The following TMEM178B variants were observed in gnomAD, a reference collection of about 807,000 sequenced individuals.
The protein encoded by TMEM178B is transmembrane protein 178B.
In TMEM178B, 5 loss-of-function variants were observed where a neutral mutation model predicts 31.0. That is an observed-to-expected ratio of 0.16 (90% CI 0.08 to 0.34). The LOEUF is 0.34. TMEM178B is among the 10% of genes least tolerant of loss of function. The pLI, the probability that TMEM178B is intolerant of heterozygous loss-of-function variation, is 1.00. For synonymous variants in TMEM178B, 164 were observed against 164.0 expected (o/e 1.00, Z 0.00); for missense variants, 275 against 400.3 (o/e 0.69, Z 2.67).
chr7:141,078,595 A>G (rs967115213), intron 1 of TMEM178B, among the ~76,000 whole-genome samples: 1 of 152,244 alleles, frequency 6.6e-6, no homozygotes, highest in Non-Finnish European at 1.5e-5. Flanking sequence ...GGTTACAACT[A>G]CAGGATGATG....
chr7:141,494,616 T>C, the TMEM178B span, among the ~76,000 whole-genome samples: 1 of 152,216 alleles, frequency 6.6e-6, no homozygotes, highest in Non-Finnish European at 1.5e-5. Flanking sequence ...TTAAAAATTA[T>C]TGTTCAGCCC....
chr7:141,510,642 A>G, the TMEM178B span, among the ~76,000 whole-genome samples: 1 of 131,310 alleles, frequency 7.6e-6, no homozygotes, highest in Non-Finnish European at 1.6e-5. Context: ...CCAAGAACGC[A>G]CTGTTGCACT....
chr7:141,466,899 G>C (rs1802155965), intron 3 of TMEM178B, among the ~76,000 whole-genome samples: 1 of 152,170 alleles, frequency 6.6e-6, no homozygotes, highest in Non-Finnish European at 1.5e-5. Context: ...TGAGGCACGA[G>C]CAGGCTGGCT....
Position 141,268,039 on chromosome 7 carries a change from T to C in TMEM178B, c.496+55335T>C, listed in dbSNP as rs563443991. On this transcript the variant is annotated intron_variant, in intron 2 of 3. Transcript: ENST00000565468. ...GCTTATATAGACTTACAGAATTACA[T>C]TGAGCCCATGCAAGCATTCTACAAA... Among the ~76,000 whole-genome samples, 4 of 152,354 alleles carry C rather than the reference T, an allele frequency of 2.6e-5. No individual in the cohort carries two copies. The South Asian group carries it at 6.2e-4, about 24-fold the overall frequency.
chr7:141,470,476 C>T (rs540105343), intron 3 of TMEM178B, 60 bp from the exon 4 acceptor site: 27 of 1,400,706 alleles, frequency 1.9e-5, no homozygotes, highest in African/African-American at 1.0e-4. Context: ...TTCTCTCTCC[C>T]GCTCCTCTCC....
chr7:141,449,467 CT>C (rs1801822599), intron 3 of TMEM178B, among the ~76,000 whole-genome samples: 1 of 152,130 alleles, frequency 6.6e-6, no homozygotes, highest in African/African-American at 2.4e-5. Flanking sequence ...CCTCTTGAGG[CT>C]TTTTGTCACA....
chr7:141,159,653 A>G (rs976492419), intron 1 of TMEM178B, among the ~76,000 whole-genome samples: 13 of 152,224 alleles, frequency 8.5e-5, no homozygotes, highest in African/African-American at 3.1e-4. Context: ...ACGCTACAAC[A>G]CGGATGAACC....
the TMEM178B span, among the ~76,000 whole-genome samples, chr7:141,494,845 A>T: frequency 6.6e-6 from 1 of 152,228 alleles, no homozygotes; most frequent in Non-Finnish European, 1.5e-5. Context: ...GCGCTGAGAT[A>T]GTTATGGGTT....
At chr7:141,423,017 A>G (rs1563178607) in intron 2 of TMEM178B, among the ~76,000 whole-genome samples, 1 of 152,168 alleles carries the variant, frequency 6.6e-6, no homozygotes, top group Non-Finnish European at 1.5e-5. Flanking sequence ...ACACAAAAAG[A>G]AACAGGTAAA....
chr7:141,110,725 C>G (rs1795219740), intron 1 of TMEM178B, among the ~76,000 whole-genome samples: 1 of 152,158 alleles, frequency 6.6e-6, no homozygotes. Flanking sequence ...ATGTATGTGT[C>G]CCCCTAAAAT....
intron 2 of TMEM178B, among the ~76,000 whole-genome samples, chr7:141,412,956 G>A (rs1251630530): frequency 6.6e-6 from 1 of 152,220 alleles, no homozygotes; most frequent in Non-Finnish European, 1.5e-5. Context: ...CAGCATCACT[G>A]TAATTGGTGA....
intron 1 of TMEM178B, among the ~76,000 whole-genome samples, chr7:141,160,230 C>T (rs1413775627): frequency 2.0e-5 from 3 of 152,006 alleles, no homozygotes; most frequent in East Asian, 1.9e-4. Context: ...CCTGAGTCCT[C>T]AAAGGCCACT....
At chr7:141,245,388 T>G (rs1797712841) in intron 2 of TMEM178B, among the ~76,000 whole-genome samples, 1 of 151,794 alleles carries the variant, frequency 6.6e-6, no homozygotes, top group African/African-American at 2.4e-5. Flanking sequence ...AGGACATTTG[T>G]GGATGGAGGT....
Position 141,083,503 on chromosome 7 carries a change from GAGACAGAC to G in TMEM178B, c.382+8831_382+8838del, listed in dbSNP as rs56305234. On this transcript the variant is annotated intron_variant, in intron 1 of 3. Coordinates refer to ENST00000565468, the MANE Select transcript of TMEM178B (RefSeq NM_001195278.2). ...AGAGGAAGGGAGGGAGAGAGAGAGA[GAGACAGAC>G]AGACAGACAGACAGACAGATGTGAG... Among the ~76,000 whole-genome samples the G allele has an allele frequency of 2.6e-3, 381 of 148,506 alleles. 3 individuals are homozygous for G. The highest frequency in any genetic ancestry group is 9.2e-3 in the African/African-American group (370 of 40,416).
At chr7:141,218,795 A>G (rs933816910) in intron 2 of TMEM178B, among the ~76,000 whole-genome samples, 4 of 152,086 alleles carry the variant, frequency 2.6e-5, no homozygotes, top group Non-Finnish European at 4.4e-5. Context: ...CACTGGCATC[A>G]ACCTTCTCAC....
At chr7:141,423,260 T>C (rs1801247524) in intron 2 of TMEM178B, among the ~76,000 whole-genome samples, 1 of 152,172 alleles carries the variant, frequency 6.6e-6, no homozygotes, top group Non-Finnish European at 1.5e-5. Context: ...ACTCCTGACC[T>C]CAGGTGATCT....
rs553513298 is a variant in TMEM178B, at chr7:141,106,621, G to A, written c.382+31929G>A. ...TTTCTTCCTCAGGCCACTTTCTGAA[G>A]TAACAACTAGATAATTTGATAAACA... On this transcript the variant is annotated intron_variant, in intron 1 of 3. Coordinates refer to ENST00000565468, the MANE Select transcript of TMEM178B (RefSeq NM_001195278.2). Among the ~76,000 whole-genome samples, 30 of 152,282 alleles carry A rather than the reference G, an allele frequency of 2.0e-4. 1 individual carries two copies. The South Asian group carries it at 6.2e-3, about 32-fold the overall frequency.
intron 1 of TMEM178B, among the ~76,000 whole-genome samples, chr7:141,114,705 C>A (rs1795290455): frequency 6.6e-6 from 1 of 152,374 alleles, no homozygotes; most frequent in South Asian, 2.1e-4. Context: ...CCCTCTCCCC[C>A]AGTTTTTCAC....
chr7:141,366,802 T>C (rs1337772698), intron 2 of TMEM178B, among the ~76,000 whole-genome samples: 1 of 152,156 alleles, frequency 6.6e-6, no homozygotes, highest in African/African-American at 2.4e-5. Flanking sequence ...CCGATTTGGA[T>C]GGGCTCCTTG....
Sources: gnomAD v4.1 joint callset for allele counts (sites outside exome capture counted in the v4.1 genomes callset) on GRCh38, gnomAD v4.1.1 for gene constraint, MANE v1.5 for transcripts, NCBI Gene and HGNC (gene_info 2026-07-23, HGNC 2026-07-21) for gene names.